The following PANX1 variants were observed in gnomAD, a reference collection of about 807,000 sequenced individuals.
The protein encoded by PANX1 is pannexin-1.
Under a neutral mutation model 38.7 loss-of-function variants are expected in PANX1, and 30 were observed. The observed-to-expected ratio is 0.78, with a 90% CI of 0.58 to 1.05. The LOEUF (loss-of-function observed/expected upper bound fraction) is 1.05, where lower values mean the gene tolerates loss of function less well. Ranked by LOEUF, PANX1 falls within the 50% of genes least tolerant of loss-of-function variation. PANX1 has a pLI of 0.00. For synonymous variants in PANX1, 230 were observed against 212.2 expected, an observed-to-expected ratio of 1.08 and a Z score of -0.73; for missense variants, 551 against 517.2, an observed-to-expected ratio of 1.07 and a Z score of -0.63.
intron 1 of PANX1, among the ~76,000 whole-genome samples, chr11:94,145,154 A>G (rs1314963332): frequency 6.6e-6 from 1 of 152,214 alleles, no homozygotes; most frequent in East Asian, 1.9e-4. Context: ...AAAGAGGACT[A>G]TAGCGTGTAC....
At position 94,180,043 on chromosome 11, in the gene PANX1, C is replaced by G. The variant is rs1490561892; in HGVS notation, c.987C>G (p.Ser329Arg). 1 of 1,608,784 alleles carries G rather than the reference C, an allele frequency of 6.2e-7. No individual in the cohort carries two copies. Among genetic ancestry groups the G allele is most frequent in the Non-Finnish European group, 8.5e-7 (1 of 1,176,342 alleles). ...HFKSEGYNDLSLYNLFLEENI... is the reference protein window; with the variant it reads ...HFKSEGYNDLRLYNLFLEENI... ...AATCTGAAGGGTACAACGATTTGAG[C>G]CTCTACAATCTCTTCTTGGAGGAAA... Residue 329 changes from serine to arginine, a missense_variant, in exon 4 of 5, where the codon AGC becomes AGG. By Grantham distance (110) the Ser-to-Arg change is moderately radical. Transcript: ENST00000227638.
At chr11:94,162,132 G>C (rs6483298) in intron 2 of PANX1, among the ~76,000 whole-genome samples, 4 of 152,046 alleles carry the variant, frequency 2.6e-5, no homozygotes, top group South Asian at 2.1e-4. Flanking sequence ...TGCCCCTACT[G>C]GGGGGTGCCT....
chr11:94,174,597 T>A (rs1947208813), intron 2 of PANX1, among the ~76,000 whole-genome samples: 2 of 151,702 alleles, frequency 1.3e-5, no homozygotes, highest in Non-Finnish European at 2.9e-5. Context: ...TATCAGCTTG[T>A]GTTCCCATCT....
At chr11:94,176,398 T>C (rs1011081529) in intron 2 of PANX1, among the ~76,000 whole-genome samples, 2 of 151,582 alleles carry the variant, frequency 1.3e-5, no homozygotes, top group African/African-American at 4.9e-5. Flanking sequence ...GTACCCTGGA[T>C]TGGATCTTGG....
intron 2 of PANX1, among the ~76,000 whole-genome samples, chr11:94,158,157 A>C (rs946943140): frequency 3.3e-5 from 5 of 152,112 alleles, no homozygotes; most frequent in Admixed American, 6.5e-5. Context: ...GTAGCCTTGT[A>C]GTATAGTTTG....
chr11:94,170,422 A>T (rs966466080), intron 2 of PANX1, among the ~76,000 whole-genome samples: 3 of 151,764 alleles, frequency 2.0e-5, no homozygotes, highest in African/African-American at 7.3e-5. Context: ...ATAACATCCC[A>T]TTGTAAATTT....
intron 1 of PANX1, among the ~76,000 whole-genome samples, chr11:94,132,646 AT>A (rs1392593816): frequency 6.6e-6 from 1 of 152,072 alleles, no homozygotes; most frequent in Admixed American, 6.5e-5. Context: ...ATCAGCTGTA[AT>A]TACATGTTTT....
chr11:94,179,345 G>C (rs1478361792), intron 3 of PANX1, among the ~76,000 whole-genome samples: 2 of 152,114 alleles, frequency 1.3e-5, no homozygotes, highest in African/African-American at 4.8e-5. Context: ...CAGATGCCAG[G>C]CATCACTCTA....
chr11:94,172,012 G>GA (rs1407467005), intron 2 of PANX1, among the ~76,000 whole-genome samples: 5 of 151,082 alleles, frequency 3.3e-5, no homozygotes, highest in Admixed American at 2.0e-4. Context: ...GTTTTTGACT[G>GA]AAAAAAACAA....
At chr11:94,162,415 A>G (rs1284963801) in intron 2 of PANX1, among the ~76,000 whole-genome samples, 1 of 152,122 alleles carries the variant, frequency 6.6e-6, no homozygotes, top group Non-Finnish European at 1.5e-5. Context: ...AGCCTCAGCA[A>G]TGGTGGACGC....
At chr11:94,129,571 C>A in intron 1 of PANX1, 78 bp downstream of exon 1, 2 of 1,316,280 alleles carry the variant, frequency 1.5e-6, no homozygotes, top group South Asian at 1.4e-5. Flanking sequence ...CTCACAGGCC[C>A]GAGTCTGGGT....
intron 2 of PANX1, among the ~76,000 whole-genome samples, chr11:94,166,756 A>T (rs1947104767): frequency 6.6e-6 from 1 of 152,162 alleles, no homozygotes; most frequent in South Asian, 2.1e-4. Flanking sequence ...GTTGCAAGAC[A>T]GTATCCTCTG....
Position 94,129,376 on chromosome 11 carries a change from G to T in PANX1, c.64G>T (p.Glu22Ter), listed in dbSNP as rs1285392049. ...FSDFLLKEPT[E>*]PKFKGLRLEL... ...GGATTTCTTGCTGAAGGAGCCCACG[G>T]AGCCCAAGTTCAAGGGGCTGCGACT... The change falls in exon 1 of 5, where the codon GAG (glutamate) becomes TAG (stop). Residue 22 changes from glutamate (E) to a stop codon, truncating the protein, a stop_gained. Coordinates refer to ENST00000227638, the MANE Select transcript of PANX1 (RefSeq NM_015368.4). LOFTEE classifies it high-confidence loss of function. 6.2e-7 allele frequency: 1 copy of T among 1,613,928 alleles called. No homozygotes were observed. The highest frequency in any genetic ancestry group is 8.5e-7 in the Non-Finnish European group (1 of 1,179,896).
intron 1 of PANX1, among the ~76,000 whole-genome samples, chr11:94,143,982 C>T (rs565608883): frequency 6.6e-6 from 1 of 152,246 alleles, no homozygotes; most frequent in African/African-American, 2.4e-5. Context: ...CTCATGGCCT[C>T]AAGCAGTCCT....
chr11:94,159,413 T>A (rs113908155), intron 2 of PANX1, among the ~76,000 whole-genome samples: 2 of 152,152 alleles, frequency 1.3e-5, no homozygotes, highest in Non-Finnish European at 2.9e-5. Flanking sequence ...GCTATTAATT[T>A]TTGCCTCAAT....
intron 1 of PANX1, among the ~76,000 whole-genome samples, chr11:94,142,750 A>T (rs554345783): frequency 6.6e-6 from 1 of 152,234 alleles, no homozygotes; most frequent in Non-Finnish European, 1.5e-5. Flanking sequence ...CCATGTACAT[A>T]ATAGCCCAGT....
chr11:94,161,071 G>A (rs1441413872), intron 2 of PANX1, among the ~76,000 whole-genome samples: 3 of 152,240 alleles, frequency 2.0e-5, no homozygotes, highest in East Asian at 1.9e-4. Flanking sequence ...CTTCTGGCTT[G>A]TAGAGTTTCT....
At chr11:94,141,266 G>A (rs1946758984) in intron 1 of PANX1, among the ~76,000 whole-genome samples, 1 of 152,108 alleles carries the variant, frequency 6.6e-6, no homozygotes, top group Non-Finnish European at 1.5e-5. Flanking sequence ...CACCAATATA[G>A]GCCAACCCCG....
intron 2 of PANX1, among the ~76,000 whole-genome samples, chr11:94,171,241 C>T (rs1158179638): frequency 6.6e-6 from 1 of 151,610 alleles, no homozygotes; most frequent in African/African-American, 2.4e-5. Flanking sequence ...GTGGCCACCT[C>T]ATTCTGAACT....
Sources: gnomAD v4.1 joint callset for allele counts (sites outside exome capture counted in the v4.1 genomes callset) on GRCh38, gnomAD v4.1.1 for gene constraint, MANE v1.5 for transcripts, NCBI Gene and HGNC (gene_info 2026-07-23, HGNC 2026-07-21) for gene names.